Variants in HMGCS2 observed in about 807,000 individuals in gnomAD.
The protein encoded by HMGCS2 is 3-hydroxy-3-methylglutaryl-CoA synthase 2, also known as hydroxymethylglutaryl-CoA synthase, mitochondrial.
HMGCS2 carries 50 observed loss-of-function variants against 57.4 expected under a neutral mutation model. That is an observed-to-expected ratio of 0.87 (90% CI 0.69 to 1.10). The LOEUF is 1.10. Ranked by LOEUF, HMGCS2 falls within the 50% of genes least tolerant of loss-of-function variation. The pLI is 0.00. For missense variants in HMGCS2, 627 were observed against 636.5 expected (o/e 0.99, Z 0.16); for synonymous variants, 254 against 245.1 (o/e 1.04, Z -0.34).
At chr1:119,764,733 T>C (rs1376557965) in intron 1 of HMGCS2, 107 bp from the exon 2 acceptor site, 5 of 851,086 alleles carry the variant, frequency 5.9e-6, no homozygotes, top group Non-Finnish European at 9.7e-6. Flanking sequence ...TTTGAAGCTA[T>C]GTTATCAGAT....
At position 119,748,368 on chromosome 1, in the gene HMGCS2, C is replaced by T. The variant is rs141106649; in HGVS notation, c.*479G>A. The T allele has an allele frequency of 6.6e-6, 1 of 152,196 alleles. No homozygotes were observed. Among genetic ancestry groups the T allele is most frequent in the Non-Finnish European group, 1.5e-5 (1 of 68,040 alleles). The allele number at this position is 152,196 out of a possible 1,614,324, so 9.4% of individuals were successfully genotyped here. On this transcript the variant is annotated 3_prime_UTR_variant, in exon 10 of 10. Transcript: ENST00000369406. ...GGTTTGTATTCTGGGTTCCAAGAAA[C>T]GCAGGAATCATTTCCTCTTTCTCTC...
intron 2 of HMGCS2, among the ~76,000 whole-genome samples, chr1:119,762,041 C>A (rs1653062443): frequency 6.6e-6 from 1 of 152,146 alleles, no homozygotes; most frequent in South Asian, 2.1e-4. Context: ...TTTATTCTTA[C>A]AATACAATGC....
intron 2 of HMGCS2, among the ~76,000 whole-genome samples, chr1:119,763,786 T>A (rs1653119785): frequency 6.6e-6 from 1 of 152,188 alleles, no homozygotes; most frequent in Non-Finnish European, 1.5e-5. Context: ...TCTTTCAACA[T>A]CACCAATCTC....
chr1:119,755,535 G>A lies in HMGCS2; in HGVS notation c.1079C>T (p.Ser360Phe), dbSNP rs1353365984. 6.2e-7 allele frequency: 1 copy of A among 1,614,022 alleles called. No homozygotes were observed. Among genetic ancestry groups the A allele is most frequent in the Non-Finnish European group, 8.5e-7 (1 of 1,180,032 alleles). ...KDLDKALLKA[S>F]QDMFDKKTKA... Reference sequence around the variant, plus strand: ...GGTTTTCTTGTCGAACATGTCCTGAGAGGCCTTTAGAAGTGCTTTATCCAG... The same window carrying A: ...GGTTTTCTTGTCGAACATGTCCTGAAAGGCCTTTAGAAGTGCTTTATCCAG... The change falls in exon 6 of 10, where the codon TCT becomes TTT. Residue 360 changes from serine to phenylalanine, a missense_variant. Transcript: ENST00000369406.
intron 5 of HMGCS2, among the ~76,000 whole-genome samples, chr1:119,756,918 C>G (rs923095020): frequency 6.6e-6 from 1 of 152,150 alleles, no homozygotes; most frequent in Non-Finnish European, 1.5e-5. Flanking sequence ...AATACGATGT[C>G]TAGCACATAA....
At chr1:119,750,706 C>T (rs1652625367) in intron 9 of HMGCS2, 91 bp downstream of exon 9, 2 of 803,598 alleles carry the variant, frequency 2.5e-6, no homozygotes, top group South Asian at 2.8e-5. Flanking sequence ...CTTTCTTCTC[C>T]CTGCACCTGT....
chr1:119,750,973 G>T, intron 8 of HMGCS2, 65 bp from the exon 9 acceptor site: 5 of 989,474 alleles, frequency 5.1e-6, no homozygotes, highest in Non-Finnish European at 8.0e-6. Flanking sequence ...AGAGAAAATA[G>T]TAATGAAGAT....
chr1:119,766,215 C>T (rs1351700623), intron 1 of HMGCS2, among the ~76,000 whole-genome samples: 1 of 152,184 alleles, frequency 6.6e-6, no homozygotes, highest in Non-Finnish European at 1.5e-5. Flanking sequence ...ACCTTCTGTT[C>T]ACTTTAGCAA....
At position 119,753,322 on chromosome 1, in the gene HMGCS2, C is replaced by T. The variant is rs1652723582; in HGVS notation, c.1252G>A (p.Ala418Thr). 6.2e-7 allele frequency: 1 copy of T among 1,613,608 alleles called. No homozygotes were observed. Among genetic ancestry groups the T allele is most frequent in the Non-Finnish European group, 8.5e-7 (1 of 1,179,876 alleles). Residue 418 changes from alanine (A) to threonine (T), a missense_variant, in exon 7 of 10, where the codon GCA becomes ACA. Ala to Thr is a moderately conservative substitution (Grantham distance 58, BLOSUM62 0). Coordinates refer to ENST00000369406, the MANE Select transcript of HMGCS2 (RefSeq NM_005518.4). ...GAFSYGSGLA[A>T]SFFSFRVSQD... ...GATACTCGAAATGAAAAGAAACTTG[C>T]TGCTAAACCAGAGCCATAAGAGAAG... is the stretch of plus-strand genomic sequence containing the variant.
rs1652981816 is a variant in HMGCS2, at chr1:119,759,929, G to C, written c.620C>G (p.Pro207Arg). Reference sequence around the variant, plus strand: ...AGCCACAGCTCCGGCCCCACCTGTGGGACGAGCATTACCACTGGGATAGAC... The same window carrying C: ...AGCCACAGCTCCGGCCCCACCTGTGCGACGAGCATTACCACTGGGATAGAC... ...IAVYPSGNAR[P>R]TGGAGAVAML... The change falls in exon 3 of 10, where the codon CCC (proline) becomes CGC (arginine). Residue 207 changes from proline (P) to arginine (R), a missense_variant. Pro to Arg is a moderately radical substitution (Grantham distance 103). Coordinates refer to ENST00000369406, the MANE Select transcript of HMGCS2 (RefSeq NM_005518.4). 1 of 1,614,022 alleles carries C rather than the reference G, an allele frequency of 6.2e-7. No homozygotes were observed. Among genetic ancestry groups the C allele is most frequent in the East Asian group, 2.2e-5 (1 of 44,882 alleles).
rs368184306 is a variant in HMGCS2, at chr1:119,750,949, T to C, written c.1421-41A>G. ...AAGAGGCAGTACTCACAAAGAGTTA[T>C]ATGAGTTTTTGGAAGAGAAAATAGT... is the stretch of plus-strand genomic sequence containing the variant. On this transcript the variant is annotated intron_variant, in intron 8 of 9. Coordinates refer to ENST00000369406, the MANE Select transcript of HMGCS2 (RefSeq NM_005518.4). 42 of 1,219,614 alleles carry C rather than the reference T, an allele frequency of 3.4e-5. No homozygotes were observed. In the African/African-American group the frequency reaches 4.5e-4, roughly 13 times the overall value. The allele number at this position is 1,219,614 out of a possible 1,614,324, so 75.5% of individuals were successfully genotyped here. A position where few individuals can be genotyped will look rare whatever the true frequency, so the allele number is the denominator to read the frequency against.
intron 5 of HMGCS2, among the ~76,000 whole-genome samples, chr1:119,756,246 A>G (rs1281527571): frequency 2.0e-5 from 3 of 152,210 alleles, no homozygotes; most frequent in Non-Finnish European, 4.4e-5. Flanking sequence ...TAAACTTTTT[A>G]TTAATGAATA....
At position 119,748,032 on chromosome 1, in the gene HMGCS2, A is replaced by C. The variant is rs2101239098; in HGVS notation, c.*815T>G. 1 of 152,358 alleles carries C rather than the reference A, an allele frequency of 6.6e-6. No individual in the cohort carries two copies. The highest frequency in any genetic ancestry group is 2.1e-4 in the South Asian group (1 of 4,832). 9.4% of individuals were successfully genotyped at this position (152,358 alleles called of 1,614,324 possible). On this transcript the variant is annotated 3_prime_UTR_variant, in exon 10 of 10. Coordinates refer to ENST00000369406, the MANE Select transcript of HMGCS2 (RefSeq NM_005518.4). ...TTATTTTTTTATTTTTGGCTATAGAAGGCAAAAACTTGTTAACCTTTGCGC... is the reference window on the plus strand; with the variant it reads ...TTATTTTTTTATTTTTGGCTATAGACGGCAAAAACTTGTTAACCTTTGCGC...
chr1:119,758,692 A>G (rs1474440791), intron 4 of HMGCS2, among the ~76,000 whole-genome samples: 3 of 152,258 alleles, frequency 2.0e-5, no homozygotes, highest in South Asian at 2.1e-4. Flanking sequence ...ACTTCAGCAT[A>G]TAGAAAATAT....
At chr1:119,755,369 C>T (rs1652798170) in intron 6 of HMGCS2, 58 bp downstream of exon 6, 22 of 1,531,216 alleles carry the variant, frequency 1.4e-5, no homozygotes, top group East Asian at 2.3e-5. Flanking sequence ...CCCTGCAGCC[C>T]ACGGGGGCGG....
In HMGCS2 at chr1:119,759,266, A is replaced by G. The variant is rs767069915; in HGVS notation, c.702T>C (p.His234=). 1 of 1,613,906 alleles carries G rather than the reference A, an allele frequency of 6.2e-7. No individual in the cohort carries two copies. Among genetic ancestry groups the G allele is most frequent in the Admixed American group, 1.7e-5 (1 of 60,008 alleles). ...TGTAGAAGTCATACACATTCTCCAT[A>G]TGGGTTCCCCTCAGCCCTGGAAAGG... ...LALERGLRGT[H]MENVYDFYKP... The change falls in exon 4 of 10, where the codon CAT becomes CAC. Residue 234 remains histidine, a synonymous_variant. Coordinates refer to ENST00000369406, the MANE Select transcript of HMGCS2 (RefSeq NM_005518.4).
intron 1 of HMGCS2, among the ~76,000 whole-genome samples, chr1:119,765,601 A>G (rs1653200075): frequency 6.6e-6 from 1 of 152,216 alleles, no homozygotes; most frequent in Non-Finnish European, 1.5e-5. Context: ...TACTTTTGGA[A>G]CACTGCAAAA....
At chr1:119,768,445 A>G (rs1653310947) in intron 1 of HMGCS2, among the ~76,000 whole-genome samples, 1 of 152,150 alleles carries the variant, frequency 6.6e-6, no homozygotes, top group Admixed American at 6.6e-5. Flanking sequence ...TGTAGAGAGG[A>G]AAGCTGTGGC....
chr1:119,753,121 AC>A (rs930039814), intron 7 of HMGCS2, among the ~76,000 whole-genome samples, 158 bp downstream of exon 7: 6 of 152,118 alleles, frequency 3.9e-5, no homozygotes, highest in Non-Finnish European at 8.8e-5. Flanking sequence ...CATAAATTAA[AC>A]AAACTTACTC....
Sources: allele counts gnomAD v4.1 joint callset (sites outside exome capture counted in the v4.1 genomes callset), GRCh38; gene constraint gnomAD v4.1.1; transcripts MANE v1.5; gene names NCBI Gene and HGNC (gene_info 2026-07-23, HGNC 2026-07-21).